Variants in ABI1 observed in about 807,000 individuals in gnomAD.
ABI1 encodes abl interactor 1.
ABI1 carries 14 observed loss-of-function variants against 54.6 expected under a neutral mutation model. The ratio of observed to expected loss-of-function variants is 0.26; its 90% CI spans 0.17 to 0.40. The LOEUF (loss-of-function observed/expected upper bound fraction) is 0.40. Ranked by LOEUF, ABI1 falls within the 10% of genes least tolerant of loss-of-function variation. The pLI, the probability that ABI1 is intolerant of heterozygous loss-of-function variation, is 1.00. For missense variants in ABI1, 443 were observed against 598.3 expected (o/e 0.74, Z 2.71); for synonymous variants, 194 against 209.3 (o/e 0.93, Z 0.63).
chr10:26,806,243 T>C (rs1019601407), intron 2 of ABI1, among the ~76,000 whole-genome samples: 3 of 152,212 alleles, frequency 2.0e-5, no homozygotes, highest in Non-Finnish European at 4.4e-5. Context: ...CCAGTTGTTC[T>C]CACCACCAGG....
At chr10:26,756,411 A>C (rs1838312053) in intron 8 of ABI1, among the ~76,000 whole-genome samples, 1 of 152,168 alleles carries the variant, frequency 6.6e-6, no homozygotes, top group Admixed American at 6.5e-5. Context: ...GGAATATATC[A>C]TGTTAATCAG....
At chr10:26,844,973 T>A (rs1162067252) in intron 1 of ABI1, among the ~76,000 whole-genome samples, 1 of 152,186 alleles carries the variant, frequency 6.6e-6, no homozygotes, top group African/African-American at 2.4e-5. Flanking sequence ...CAATGTAAGA[T>A]GAATCTTCCC....
chr10:26,803,689 C>T (rs1159830050), intron 2 of ABI1, among the ~76,000 whole-genome samples: 1 of 152,132 alleles, frequency 6.6e-6, no homozygotes, highest in Non-Finnish European at 1.5e-5. Context: ...CATTCTGCTT[C>T]AAAATGGAGA....
At chr10:26,758,970 T>C (rs1838736036) in intron 8 of ABI1, 92 bp downstream of exon 8, 2 of 1,239,864 alleles carry the variant, frequency 1.6e-6, no homozygotes, top group Admixed American at 2.4e-5. Context: ...GGTTTTCAAT[T>C]GTTGTCTATC....
intron 1 of ABI1, among the ~76,000 whole-genome samples, chr10:26,841,122 T>C (rs1287104535): frequency 6.6e-6 from 1 of 152,224 alleles, no homozygotes; most frequent in South Asian, 2.1e-4. Flanking sequence ...TCAGACCATA[T>C]GGCATGCAAA....
chr10:26,860,356 G>C lies in ABI1; in HGVS notation c.117+391C>G, dbSNP rs1349555361. On this transcript the variant is annotated intron_variant, in intron 1 of 10. Coordinates refer to ENST00000376140, the MANE Select transcript of ABI1 (RefSeq NM_001012750.3). The surrounding 1 kb of genome is among the most constrained non-coding windows in gnomAD (Gnocchi z 4.1). Reference sequence around the variant, plus strand: ...TCCTCTCCCGGCGCAGAGAGGCGGCGCGGCGGCAGCTCGGGGGTATTCCGG... The same window carrying C: ...TCCTCTCCCGGCGCAGAGAGGCGGCCCGGCGGCAGCTCGGGGGTATTCCGG... 6.6e-6 allele frequency among the ~76,000 whole-genome samples: 1 copy of C among 152,006 alleles called. No individual in the cohort carries two copies. The highest frequency in any genetic ancestry group is 1.9e-4 in the East Asian group (1 of 5,166).
In ABI1 at chr10:26,860,889, C is replaced by T. The variant is rs1443518708; in HGVS notation, c.-26G>A. On this transcript the variant is annotated 5_prime_UTR_variant, in exon 1 of 11. Coordinates refer to ENST00000376140, the MANE Select transcript of ABI1 (RefSeq NM_001012750.3). This position sits in a 1 kb window ranked among gnomAD's most constrained non-coding sequence, Gnocchi z 4.1. ...TTTCCACCCCTCTGCATCGCTTCCTCTCGCGTTAAAGAGACAGAGGCAGCA... is the reference window on the plus strand; with the variant it reads ...TTTCCACCCCTCTGCATCGCTTCCTTTCGCGTTAAAGAGACAGAGGCAGCA... 1 of 1,606,048 alleles carries T rather than the reference C, an allele frequency of 6.2e-7. No homozygotes were observed. The highest frequency in any genetic ancestry group is 8.5e-7 in the Non-Finnish European group (1 of 1,173,052).
At chr10:26,855,829 G>T (rs187520970) in intron 1 of ABI1, among the ~76,000 whole-genome samples, 2 of 151,948 alleles carry the variant, frequency 1.3e-5, no homozygotes, top group Non-Finnish European at 2.9e-5. Flanking sequence ...AAATTAGCCA[G>T]GCATGGTGGT....
At chr10:26,859,474 G>T (rs1707541978) in intron 1 of ABI1, among the ~76,000 whole-genome samples, 1 of 152,146 alleles carries the variant, frequency 6.6e-6, no homozygotes, top group African/African-American at 2.4e-5. Context: ...ACCTTTCAAA[G>T]CACGTTTTGG....
chr10:26,838,272 T>C (rs1182511227), intron 1 of ABI1, among the ~76,000 whole-genome samples: 1 of 152,062 alleles, frequency 6.6e-6, no homozygotes, highest in African/African-American at 2.4e-5. Context: ...TCCACCCACC[T>C]CAGCCTCCCG....
intron 8 of ABI1, among the ~76,000 whole-genome samples, chr10:26,757,427 C>T (rs1223904767): frequency 6.6e-6 from 1 of 151,736 alleles, no homozygotes; most frequent in Non-Finnish European, 1.5e-5. Flanking sequence ...CACAAAAATC[C>T]TATTTGCAGA....
At chr10:26,852,208 G>C (rs1028011897) in intron 1 of ABI1, among the ~76,000 whole-genome samples, 1 of 152,152 alleles carries the variant, frequency 6.6e-6, no homozygotes, top group Non-Finnish European at 1.5e-5. Flanking sequence ...GGCCGAGCAC[G>C]GTGGCTCACG....
rs985425102 is a variant in ABI1, at chr10:26,770,334, G to A, written c.489C>T (p.Asn163=). 9.3e-6 allele frequency: 15 copies of A among 1,613,636 alleles called. No homozygotes were observed. In the African/African-American group the frequency reaches 1.2e-4, roughly 13 times the overall value. ...ACAGTGTGCCAGTTCTTGCAGGCTG[G>A]TTATTTCCATGCTAAAATGTAGAAA... The part of the protein sequence containing the change: ...VKWLKAKHGN[N]QPARTGTLSR... The change falls in exon 5 of 11, where the codon AAC becomes AAT. Residue 163 remains asparagine, a synonymous_variant. Coordinates refer to ENST00000376140, the MANE Select transcript of ABI1 (RefSeq NM_001012750.3).
intron 2 of ABI1, among the ~76,000 whole-genome samples, chr10:26,818,643 A>AAAAAAAAAAAAAAAAAAAAC (rs2047752326): frequency 6.6e-6 from 1 of 151,646 alleles, no homozygotes; most frequent in Non-Finnish European, 1.5e-5. Context: ...AAAAAAAAAA[A>AAAAAAAAAAAAAAAAAAAAC]AAAAAAGAGC....
At chr10:26,798,609 T>C (rs758703324) in intron 2 of ABI1, among the ~76,000 whole-genome samples, 2 of 152,068 alleles carry the variant, frequency 1.3e-5, no homozygotes, top group Non-Finnish European at 2.9e-5. Context: ...AATAAAGATA[T>C]GTTATAAGCC....
chr10:26,815,035 C>A (rs1204071212), intron 2 of ABI1, among the ~76,000 whole-genome samples: 1 of 152,032 alleles, frequency 6.6e-6, no homozygotes, highest in Non-Finnish European at 1.5e-5. Context: ...TAAAAACACA[C>A]CACTCAACAG....
chr10:26,800,098 A>C (rs2046448093), intron 2 of ABI1, among the ~76,000 whole-genome samples: 1 of 152,046 alleles, frequency 6.6e-6, no homozygotes, highest in African/African-American at 2.4e-5. Context: ...TATCACCTGA[A>C]TCGGGCCGGG....
intron 3 of ABI1, 33 bp downstream of exon 3, chr10:26,777,032 A>G: frequency 6.6e-7 from 1 of 1,511,412 alleles, no homozygotes; most frequent in Non-Finnish European, 8.9e-7. Context: ...TGGATATGCA[A>G]ATTAGCTTGT....
intron 1 of ABI1, among the ~76,000 whole-genome samples, chr10:26,852,623 G>A (rs1443165567): frequency 6.6e-6 from 1 of 152,088 alleles, no homozygotes. Context: ...CATGGGTTCT[G>A]AAAAAGTGCC....
Sources: allele counts gnomAD v4.1 joint callset (sites outside exome capture counted in the v4.1 genomes callset), GRCh38; gene constraint gnomAD v4.1.1; non-coding constraint Gnocchi (gnomAD v3.1); transcripts MANE v1.5; gene names NCBI Gene and HGNC (gene_info 2026-07-23, HGNC 2026-07-21).